ARHGEF37: variants seen among roughly 807,000 people sequenced by gnomAD.
The protein encoded by ARHGEF37 is Rho guanine nucleotide exchange factor 37.
Under a neutral mutation model 71.1 loss-of-function variants are expected in ARHGEF37, and 55 were observed. The ratio of observed to expected loss-of-function variants is 0.77; its 90% confidence interval spans 0.62 to 0.97. The LOEUF is 0.97. Ranked by LOEUF, ARHGEF37 falls within the 50% of genes least tolerant of loss-of-function variation. The probability of loss-of-function intolerance (pLI) is 0.00; values close to 1 mark genes in which losing one functional copy is unlikely to be tolerated. For missense variants in ARHGEF37, 765 were observed against 836.8 expected, an observed-to-expected ratio of 0.91 and a Z score of 1.06; for synonymous variants, 327 against 350.6, an observed-to-expected ratio of 0.93 and a Z score of 0.75.
chr5:149,586,396 C>T (rs1241136589), intron 1 of ARHGEF37, among the ~76,000 whole-genome samples: 3 of 152,182 alleles, frequency 2.0e-5, no homozygotes, highest in African/African-American at 7.2e-5. Flanking sequence ...CGAGCTGGGA[C>T]TACAGGCATG....
chr5:149,604,192 T>C (rs1561797719), intron 3 of ARHGEF37, among the ~76,000 whole-genome samples: 1 of 152,182 alleles, frequency 6.6e-6, no homozygotes, highest in Non-Finnish European at 1.5e-5. Flanking sequence ...AGAGCCAAAA[T>C]GTTACTTCGT....
chr5:149,604,091 G>A (rs567761110), intron 3 of ARHGEF37, among the ~76,000 whole-genome samples: 2 of 152,296 alleles, frequency 1.3e-5, no homozygotes, highest in Admixed American at 1.3e-4. Flanking sequence ...AGGACTTTGA[G>A]CTCGGGCTCT....
At chr5:149,581,436 C>G (rs1051344693), upstream of ARHGEF37, 4 of 152,118 alleles carry the variant, frequency 2.6e-5, no homozygotes, top group African/African-American at 7.2e-5. Flanking sequence ...CCAGCCACCC[C>G]CTCGCGGCGC....
intron 4 of ARHGEF37, among the ~76,000 whole-genome samples, chr5:149,611,617 A>C (rs2113347622): frequency 6.6e-6 from 1 of 152,358 alleles, no homozygotes; most frequent in African/African-American, 2.4e-5. Flanking sequence ...GAGCCATCTT[A>C]TGTCTCAGGA....
intron 1 of ARHGEF37, among the ~76,000 whole-genome samples, chr5:149,586,246 C>A (rs1442120752): frequency 6.6e-6 from 1 of 151,120 alleles, no homozygotes. Context: ...AGTAAAGTGA[C>A]AAATTTTATG....
intron 10 of ARHGEF37, 84 bp downstream of exon 10, chr5:149,624,224 T>G (rs1752618970): frequency 6.8e-7 from 1 of 1,472,802 alleles, no homozygotes; most frequent in Admixed American, 2.0e-5. Flanking sequence ...CTCTTTCCTT[T>G]CCTTTTTGGT....
At chr5:149,604,304 A>T (rs1382335869) in intron 3 of ARHGEF37, among the ~76,000 whole-genome samples, 1 of 152,192 alleles carries the variant, frequency 6.6e-6, no homozygotes, top group African/African-American at 2.4e-5. Context: ...TGTATTTCAG[A>T]TAAACAATGA....
intron 1 of ARHGEF37, among the ~76,000 whole-genome samples, chr5:149,560,815 T>G (rs544403135): frequency 1.3e-5 from 2 of 152,230 alleles, no homozygotes; most frequent in East Asian, 3.9e-4. Context: ...TATTTTGAAG[T>G]AGAAAGAAGA....
At chr5:149,582,794 T>TA (rs1763138963) in intron 1 of ARHGEF37, among the ~76,000 whole-genome samples, 1 of 151,758 alleles carries the variant, frequency 6.6e-6, no homozygotes, top group Non-Finnish European at 1.5e-5. Context: ...AAATTTAATT[T>TA]AATTAATTAA....
intron 1 of ARHGEF37, among the ~76,000 whole-genome samples, chr5:149,590,593 C>CT (rs34084231): frequency 0.32 from 43,081 of 136,374 alleles, 6,584 homozygotes; most frequent in Admixed American, 0.43. Flanking sequence ...CTATTTTATT[C>CT]TTTTTTTTTT....
chr5:149,567,522 C>T (rs1002886155), intron 1 of ARHGEF37, among the ~76,000 whole-genome samples: 12 of 151,476 alleles, frequency 7.9e-5, no homozygotes, highest in African/African-American at 2.7e-4. Context: ...CTAAATATAC[C>T]ACTCCTTCTA....
At chr5:149,606,732 A>C (rs1381928545) in intron 3 of ARHGEF37, 1 of 152,188 alleles carries the variant, frequency 6.6e-6, no homozygotes, top group Non-Finnish European at 1.5e-5. Flanking sequence ...ATGATGCTAA[A>C]ATTGAGCACC....
chr5:149,629,666 G>A (rs1376729368), intron 12 of ARHGEF37, among the ~76,000 whole-genome samples: 2 of 152,244 alleles, frequency 1.3e-5, no homozygotes, highest in Admixed American at 1.3e-4. Flanking sequence ...GCAGGGACAG[G>A]CCAGCAGGGC....
intron 11 of ARHGEF37, among the ~76,000 whole-genome samples, chr5:149,628,403 C>G (rs6869753): frequency 0.49 from 74,228 of 152,088 alleles, 18,609 homozygotes; most frequent in Middle Eastern, 0.55. Flanking sequence ...AGGAACTGGG[C>G]TCACATGGAG....
upstream of ARHGEF37, among the ~76,000 whole-genome samples, chr5:149,579,091 G>A (rs1189776231): frequency 1.3e-5 from 2 of 152,116 alleles, no homozygotes; most frequent in East Asian, 3.8e-4. Context: ...TGACACTTAC[G>A]TCTAAAACCA....
chr5:149,554,893 G>A (rs548397265), intron 1 of ARHGEF37, among the ~76,000 whole-genome samples: 1 of 152,224 alleles, frequency 6.6e-6, no homozygotes, highest in East Asian at 1.9e-4. Context: ...AGCACTTTGG[G>A]AGGCCAAGGC....
In ARHGEF37 at chr5:149,597,780, A is replaced by G; in HGVS notation, c.11A>G (p.His4Arg). 8.3e-6 allele frequency: 13 copies of G among 1,562,440 alleles called. No individual in the cohort carries two copies. The highest frequency in any genetic ancestry group is 9.5e-6 in the Non-Finnish European group (11 of 1,156,882). Residue 4 changes from histidine (H) to arginine (R), a missense_variant, in exon 2 of 13, where the codon CAT (histidine) becomes CGT (arginine). His to Arg is a conservative substitution (Grantham distance 29). This residue lies in a region of ARHGEF37 where 201 missense variants were observed against 217.5 expected (regional missense o/e 0.92). Transcript: ENST00000333677. MAK[H>R]GADEPSSRSG... ...CCAGAACCTGCTGACATGGCCAAGCATGGAGCCGACGAGCCATCCTCCAGG... is the reference window on the plus strand; with the variant it reads ...CCAGAACCTGCTGACATGGCCAAGCGTGGAGCCGACGAGCCATCCTCCAGG...
chr5:149,598,319 C>A (rs1160341740), intron 2 of ARHGEF37, among the ~76,000 whole-genome samples: 1 of 147,866 alleles, frequency 6.8e-6, no homozygotes, highest in African/African-American at 2.6e-5. Context: ...TCTTCTTCTT[C>A]TTCTTCTTTC....
chr5:149,591,453 A>G (rs1373470913), intron 1 of ARHGEF37, among the ~76,000 whole-genome samples: 1 of 152,070 alleles, frequency 6.6e-6, no homozygotes, highest in Non-Finnish European at 1.5e-5. Context: ...GTGCCCTCAT[A>G]GCTCACTGCA....
Sources: allele counts gnomAD v4.1 joint callset (sites outside exome capture counted in the v4.1 genomes callset), GRCh38; gene constraint gnomAD v4.1.1; regional missense constraint gnomAD v4.1.1; transcripts MANE v1.5; gene names NCBI Gene and HGNC (gene_info 2026-07-23, HGNC 2026-07-21).